The following SLC35F2 variants were observed in gnomAD, a reference collection of about 807,000 sequenced individuals.
The protein encoded by SLC35F2 is solute carrier family 35 member F2.
In SLC35F2, 25 loss-of-function variants were observed where a neutral mutation model predicts 38.1. That is an observed-to-expected ratio of 0.66 (90% CI 0.48 to 0.92). The LOEUF is 0.92. SLC35F2 is among the 40% of genes least tolerant of loss of function. SLC35F2 has a pLI of 0.00. For synonymous variants in SLC35F2, 173 were observed against 181.7 expected, an observed-to-expected ratio of 0.95 and a Z score of 0.38; for missense variants, 409 against 452.9, an observed-to-expected ratio of 0.90 and a Z score of 0.88.
At chr11:107,842,257 CAAAAAA>C (rs541185009) in intron 1 of SLC35F2, among the ~76,000 whole-genome samples, 383 of 37,830 alleles carry the variant, frequency 0.01, 1 homozygote, top group African/African-American at 0.044. Context: ...CTCCGTCTCA[CAAAAAA>C]AAAAAAAAAA....
chr11:107,838,328 GTTTCT>G (rs1425663995), intron 1 of SLC35F2, among the ~76,000 whole-genome samples: 2 of 151,996 alleles, frequency 1.3e-5, no homozygotes, highest in Admixed American at 6.6e-5. Context: ...GTTTCTTTTC[GTTTCT>G]TTTCTTTTGA....
intron 3 of SLC35F2, among the ~76,000 whole-genome samples, chr11:107,809,010 T>C (rs1184919434): frequency 6.6e-6 from 1 of 152,144 alleles, no homozygotes; most frequent in Non-Finnish European, 1.5e-5. Context: ...TCCAGAAACC[T>C]CAGGCCCCGG....
intron 7 of SLC35F2, among the ~76,000 whole-genome samples, chr11:107,800,903 CTT>C (rs71303238): frequency 0.08 from 10,050 of 125,782 alleles, 572 homozygotes; most frequent in African/African-American, 0.18. Context: ...GCTATTACTA[CTT>C]TTTTTTTTTT....
At chr11:107,810,007 T>G (rs900131703) in intron 3 of SLC35F2, 2 of 985,394 alleles carry the variant, frequency 2.0e-6, no homozygotes, top group East Asian at 2.3e-4. Context: ...ATCCCATGAC[T>G]GTTGGTAATT....
At chr11:107,825,147 G>A (rs1425628290) in intron 1 of SLC35F2, among the ~76,000 whole-genome samples, 1 of 152,198 alleles carries the variant, frequency 6.6e-6, no homozygotes, top group Non-Finnish European at 1.5e-5. Flanking sequence ...AATGTGGCTA[G>A]TATAAATGAG....
At chr11:107,805,664 G>T in intron 4 of SLC35F2, 149 bp from the exon 5 acceptor site, 1 of 1,436,538 alleles carries the variant, frequency 7.0e-7, no homozygotes, top group Non-Finnish European at 9.1e-7. Flanking sequence ...GAGAGTGTGT[G>T]TGTGTGTATG....
intron 1 of SLC35F2, among the ~76,000 whole-genome samples, chr11:107,844,384 T>A (rs893768950): frequency 1.3e-5 from 2 of 152,114 alleles, no homozygotes; most frequent in Non-Finnish European, 2.9e-5. Context: ...TCCCAGCACT[T>A]TGGGAGGCCG....
At chr11:107,831,671 G>A (rs1360195663) in intron 1 of SLC35F2, among the ~76,000 whole-genome samples, 1 of 152,208 alleles carries the variant, frequency 6.6e-6, no homozygotes, top group African/African-American at 2.4e-5. Flanking sequence ...TGAGATGGTT[G>A]TCTTGTGACC....
At position 107,803,310 on chromosome 11, in the gene SLC35F2, G is replaced by T; in HGVS notation, c.785-155C>A. 3.1e-6 allele frequency: 3 copies of T among 980,560 alleles called. No individual in the cohort carries two copies. In the African/African-American group the frequency reaches 5.2e-5, roughly 17 times the overall value. The allele number at this position is 980,560 out of a possible 1,614,324, so 60.7% of individuals were successfully genotyped here. On this transcript the variant is annotated intron_variant, in intron 6 of 7. Coordinates refer to ENST00000525815, the MANE Select transcript of SLC35F2 (RefSeq NM_017515.5). ...TCAGCATTGAAAATGAGACCATAAA[G>T]CTCTCTCGAAAAAAGAATATAAATA...
At chr11:107,840,397 A>C (rs994428410) in intron 1 of SLC35F2, among the ~76,000 whole-genome samples, 4 of 152,232 alleles carry the variant, frequency 2.6e-5, no homozygotes, top group African/African-American at 7.2e-5. Flanking sequence ...GCAGCCAAGA[A>C]GCCACATAAA....
At chr11:107,825,628 C>A (rs1859743407) in intron 1 of SLC35F2, among the ~76,000 whole-genome samples, 1 of 152,042 alleles carries the variant, frequency 6.6e-6, no homozygotes, top group African/African-American at 2.4e-5. Flanking sequence ...CTCGGCCCCC[C>A]AAAGTTGTTG....
At chr11:107,857,330 G>A (rs946827478) in intron 1 of SLC35F2, among the ~76,000 whole-genome samples, 3 of 141,350 alleles carry the variant, frequency 2.1e-5, no homozygotes, top group African/African-American at 7.9e-5. Flanking sequence ...AAGGAAGGAA[G>A]GAAGGAGAGA....
intron 1 of SLC35F2, among the ~76,000 whole-genome samples, chr11:107,827,860 G>A (rs772103413): frequency 4.6e-5 from 7 of 152,098 alleles, no homozygotes; most frequent in East Asian, 1.9e-4. Flanking sequence ...GCAGTGAGCC[G>A]AGATTGCATC....
intron 1 of SLC35F2, among the ~76,000 whole-genome samples, chr11:107,826,831 C>A (rs1859760691): frequency 6.6e-6 from 1 of 151,810 alleles, no homozygotes; most frequent in African/African-American, 2.4e-5. Context: ...TAAAATATAC[C>A]ATAGGATCAA....
At chr11:107,811,255 C>A in intron 3 of SLC35F2, 1 of 985,284 alleles carries the variant, frequency 1.0e-6, no homozygotes, top group Non-Finnish European at 1.2e-6. Flanking sequence ...CCAAAAATGT[C>A]TACTGGGTTT....
intron 1 of SLC35F2, among the ~76,000 whole-genome samples, chr11:107,835,196 C>T (rs1396451002): frequency 6.6e-6 from 1 of 152,212 alleles, no homozygotes; most frequent in African/African-American, 2.4e-5. Flanking sequence ...TTGAAGGTAA[C>T]TACACCTACA....
intron 1 of SLC35F2, chr11:107,823,231 G>C: frequency 1.0e-6 from 1 of 984,764 alleles, no homozygotes; most frequent in Non-Finnish European, 1.2e-6. Context: ...TGATCAGGAC[G>C]GCAAACCACT....
chr11:107,808,847 TCAA>T (rs1198518634), intron 3 of SLC35F2, among the ~76,000 whole-genome samples: 38 of 152,172 alleles, frequency 2.5e-4, no homozygotes, highest in Admixed American at 6.5e-5. Flanking sequence ...TAACAAAATC[TCAA>T]CTACATTCCT....
chr11:107,828,608 T>G (rs1056305749), intron 1 of SLC35F2, among the ~76,000 whole-genome samples: 1 of 152,170 alleles, frequency 6.6e-6, no homozygotes, highest in Non-Finnish European at 1.5e-5. Context: ...AAAGAGTTGA[T>G]GAAAAGGAGT....
Sources: allele counts gnomAD v4.1 joint callset (sites outside exome capture counted in the v4.1 genomes callset), GRCh38; gene constraint gnomAD v4.1.1; transcripts MANE v1.5; gene names NCBI Gene and HGNC (gene_info 2026-07-23, HGNC 2026-07-21).